Variants in QRICH2 observed in about 807,000 individuals in gnomAD.
QRICH2 encodes glutamine-rich protein 2.
Under a neutral mutation model 168.3 loss-of-function variants are expected in QRICH2, and 119 were observed. The observed-to-expected ratio is 0.71, with a 90% CI of 0.61 to 0.82. The LOEUF (loss-of-function observed/expected upper bound fraction) is 0.82, where lower values mean the gene tolerates loss of function less well. QRICH2 is among the 40% of genes least tolerant of loss of function. The pLI is 0.00. For missense variants in QRICH2, 2,241 were observed against 2,491.6 expected (o/e 0.90, Z 2.14); for synonymous variants, 894 against 951.2 (o/e 0.94, Z 1.11).
At position 76,277,151 on chromosome 17, in the gene QRICH2, C is replaced by A; in HGVS notation, c.5265+12G>T. Reference sequence around the variant, plus strand: ...GGCCTCCCTCCCTGGTGGCTCCAGGCAGGGCCCTGACCTTCATGGCAATCT... The same window carrying A: ...GGCCTCCCTCCCTGGTGGCTCCAGGAAGGGCCCTGACCTTCATGGCAATCT... On this transcript the variant is annotated intron_variant, in intron 16 of 18. Coordinates refer to ENST00000680821, the MANE Select transcript of QRICH2 (RefSeq NM_001388453.1). 1 of 1,546,974 alleles carries A rather than the reference C, an allele frequency of 6.5e-7. No homozygotes were observed. Among genetic ancestry groups the A allele is most frequent in the Non-Finnish European group, 8.7e-7 (1 of 1,153,466 alleles).
At chr17:76,299,747 T>C (rs2070864254) in intron 3 of QRICH2, among the ~76,000 whole-genome samples, 2 of 150,662 alleles carry the variant, frequency 1.3e-5, no homozygotes, top group South Asian at 4.3e-4. Context: ...AAAACAAAAC[T>C]AAACGATATT....
chr17:76,281,879 G>A lies in QRICH2; in HGVS notation c.4248C>T (p.Ala1416=). The A allele has an allele frequency of 6.2e-7, 1 of 1,613,360 alleles. No homozygotes were observed. The highest frequency in any genetic ancestry group is 8.5e-7 in the Non-Finnish European group (1 of 1,179,802). ...SLAVSRPSKK[A]KLQRQDEELL... ...AGAGCCCCACCTGTCTCTGGAGCTT[G>A]GCCTTCTTGGAGGGTCGGGAGACGG... Residue 1416 remains alanine (A), a synonymous_variant, in exon 8 of 19, where the codon GCC becomes GCT. Transcript: ENST00000680821. The surrounding 1 kb of genome is among the most constrained non-coding windows in gnomAD (Gnocchi z 4.4).
intron 2 of QRICH2, 45 bp downstream of exon 2, chr17:76,304,837 C>A (rs757511386): frequency 7.1e-7 from 1 of 1,415,526 alleles, no homozygotes; most frequent in South Asian, 1.1e-5. Flanking sequence ...TGAGAGACGG[C>A]CAGCCCCCTG....
Position 76,278,133 on chromosome 17 carries a change from A to T in QRICH2, c.4973T>A (p.Val1658Glu). The change falls in exon 15 of 19, where the codon GTG becomes GAG. Residue 1658 changes from valine (V) to glutamate (E), a missense_variant. Coordinates refer to ENST00000680821, the MANE Select transcript of QRICH2 (RefSeq NM_001388453.1). ...RGDLAQMEQS[V>E]GRLRSMHSKM... ...GGAGTGCATGGAGCGCAGGCGCCCC[A>T]CGCTCTGCTCCATCTGCGCCAGGTC... 1 of 1,612,768 alleles carries T rather than the reference A, an allele frequency of 6.2e-7. No homozygotes were observed. The highest frequency in any genetic ancestry group is 1.1e-5 in the South Asian group (1 of 91,088).
chr17:76,306,978 C>A (rs1369097427), intron 1 of QRICH2, among the ~76,000 whole-genome samples: 1 of 152,142 alleles, frequency 6.6e-6, no homozygotes, highest in Non-Finnish European at 1.5e-5. Context: ...TCCATCCTGA[C>A]TCCCCTTCTC....
At chr17:76,295,003 G>A (rs1213559782) in intron 3 of QRICH2, among the ~76,000 whole-genome samples, 1 of 150,408 alleles carries the variant, frequency 6.6e-6, no homozygotes, top group Non-Finnish European at 1.5e-5. Flanking sequence ...AGGCCGAGGT[G>A]GGCAGATCAC....
At chr17:76,299,695 C>T (rs1455499241) in intron 3 of QRICH2, among the ~76,000 whole-genome samples, 1 of 151,886 alleles carries the variant, frequency 6.6e-6, no homozygotes, top group Admixed American at 6.6e-5. Flanking sequence ...CAAGATTGCG[C>T]CACTGCACTC....
Position 76,279,154 on chromosome 17 carries a change from C to A in QRICH2, c.4815-12G>T. 6.2e-7 allele frequency: 1 copy of A among 1,604,336 alleles called. No individual in the cohort carries two copies. The highest frequency in any genetic ancestry group is 1.7e-4 in the Middle Eastern group (1 of 6,050). On this transcript the variant is annotated splice_polypyrimidine_tract_variant and intron_variant, in intron 13 of 18. Transcript: ENST00000680821. Reference sequence around the variant, plus strand: ...TCACGGGGATGGCACTGGGCAGGGACAGAGGGAGAAGGGGCGGGTCAGAGT... The same window carrying A: ...TCACGGGGATGGCACTGGGCAGGGAAAGAGGGAGAAGGGGCGGGTCAGAGT...
chr17:76,275,713 A>G, intron 18 of QRICH2, 106 bp downstream of exon 18: 5 of 1,403,824 alleles, frequency 3.6e-6, no homozygotes, highest in Non-Finnish European at 4.7e-6. Context: ...TTCGGCTCCC[A>G]GGCCCTCCCC....
rs376591956 is a variant in QRICH2 at position 76,307,491 on chromosome 17, C to T, written c.508G>A (p.Ala170Thr). The change falls in exon 1 of 19, where the codon GCC becomes ACC. Residue 170 changes from alanine to threonine, a missense_variant. By Grantham distance (58) the Ala-to-Thr change is moderately conservative. Around this residue, in one of 3 missense-constraint regions of QRICH2, gnomAD observed 2,047 missense variants for 2,303.8 expected, o/e 0.89. Transcript: ENST00000680821. The surrounding 1 kb of genome is among the most constrained non-coding windows in gnomAD (Gnocchi z 5.3). ...CTGGCAAAGCTGAGCTCCTCGGCGG[C>T]GTCCTTCATGATACTCCCAGTCCGC... ...RVRTGSIMKDAAEELSFARVL... is the reference protein window; with the variant it reads ...RVRTGSIMKDTAEELSFARVL... The T allele has an allele frequency of 1.2e-5, 20 of 1,613,796 alleles. No individual in the cohort carries two copies. Among genetic ancestry groups the T allele is most frequent in the Middle Eastern group, 3.3e-4 (2 of 6,060 alleles).
chr17:76,277,373 C>G, intron 15 of QRICH2, 63 bp from the exon 16 acceptor site: 1 of 1,566,986 alleles, frequency 6.4e-7, no homozygotes, highest in South Asian at 1.2e-5. Flanking sequence ...CTGGGACTCA[C>G]CCACCCATGG....
chr17:76,280,905 C>A lies in QRICH2; in HGVS notation c.4312G>T (p.Gly1438Cys). 6.2e-7 allele frequency: 1 copy of A among 1,612,924 alleles called. No individual in the cohort carries two copies. Among genetic ancestry groups the A allele is most frequent in the Non-Finnish European group, 8.5e-7 (1 of 1,180,010 alleles). Residue 1438 changes from glycine to cysteine, a missense_variant, in exon 9 of 19, where the codon GGT becomes TGT. By Grantham distance (159) the Gly-to-Cys change is radical (BLOSUM62 -3). Coordinates refer to ENST00000680821, the MANE Select transcript of QRICH2 (RefSeq NM_001388453.1). This position sits in a 1 kb window ranked among gnomAD's most constrained non-coding sequence, Gnocchi z 7.4. ...GTGATGTTGAGCTTCTCGCAGTCACCCTGCACCTGCAGGATGGCACTCTGC... is the reference window on the plus strand; with the variant it reads ...GTGATGTTGAGCTTCTCGCAGTCACACTGCACCTGCAGGATGGCACTCTGC... ...RVQSAILQVQ[G>C]DCEKLNITTS... is the part of the protein sequence containing the mutation.
At chr17:76,304,298 A>G in intron 3 of QRICH2, 117 bp downstream of exon 3, 1 of 643,710 alleles carries the variant, frequency 1.6e-6, no homozygotes, top group South Asian at 1.8e-5. Flanking sequence ...AAACACCCAT[A>G]TCAATGAAAC....
At position 76,291,665 on chromosome 17, in the gene QRICH2, T is replaced by TGGCC; in HGVS notation, c.3058_3061dup (p.Gln1021ArgfsTer66). ...TTGACTGGCTAGGAGTGGTGACACC[T>TGGCC]GGCCGTATTGTTCTCTGCCAGGAGG... On this transcript the variant is annotated frameshift_variant, in exon 4 of 19. Transcript: ENST00000680821. LOFTEE classifies it high-confidence loss of function. 1 of 1,614,212 alleles carries TGGCC rather than the reference T, an allele frequency of 6.2e-7. No homozygotes were observed. The highest frequency in any genetic ancestry group is 1.1e-5 in the South Asian group (1 of 91,082).
chr17:76,293,133 G>A lies in QRICH2; in HGVS notation c.1594C>T (p.Gln532Ter), dbSNP rs1480853456. The change falls in exon 4 of 19, where the codon CAG becomes TAG. Residue 532 changes from glutamine (Q) to a stop codon, truncating the protein, a stop_gained. Coordinates refer to ENST00000680821, the MANE Select transcript of QRICH2 (RefSeq NM_001388453.1). LOFTEE classifies it high-confidence loss of function. ...AAACCAGGTGATACCAAACCATGCTGGTCTGTAAAAGGTAGAACCAGGCCA... is the reference window on the plus strand; with the variant it reads ...AAACCAGGTGATACCAAACCATGCTAGTCTGTAAAAGGTAGAACCAGGCCA... ...QHGLVLPFTDQHGLVSPGLMP... is the reference protein window; with the variant it reads ...QHGLVLPFTD 6.2e-7 allele frequency: 1 copy of A among 1,614,108 alleles called. No homozygotes were observed. Among genetic ancestry groups the A allele is most frequent in the East Asian group, 2.2e-5 (1 of 44,904 alleles).
intron 14 of QRICH2, 36 bp downstream of exon 14, chr17:76,279,005 G>C (rs199566327): frequency 6.4e-7 from 1 of 1,560,712 alleles, no homozygotes; most frequent in East Asian, 2.3e-5. Flanking sequence ...CCCTGGCCCC[G>C]GACCCATATG....
intron 12 of QRICH2, 142 bp from the exon 13 acceptor site, chr17:76,279,570 C>T: frequency 1.5e-6 from 1 of 669,730 alleles, no homozygotes; most frequent in Non-Finnish European, 2.6e-6. Context: ...TCTGCTCCCA[C>T]CTCTGGGCTC....
Position 76,291,095 on chromosome 17 carries a change from T to C in QRICH2, c.3632A>G (p.Lys1211Arg), listed in dbSNP as rs1364761417. 1 of 1,614,176 alleles carries C rather than the reference T, an allele frequency of 6.2e-7. No individual in the cohort carries two copies. The change falls in exon 4 of 19, where the codon AAG (lysine) becomes AGG (arginine). Residue 1211 changes from lysine to arginine, a missense_variant. This residue lies in a region of QRICH2 where 2,047 missense variants were observed against 2,303.8 expected (regional missense o/e 0.89). Coordinates refer to ENST00000680821, the MANE Select transcript of QRICH2 (RefSeq NM_001388453.1). ...CTCATCCAGATCCTTCATACTCTCC[T>C]TTAGCCCCACATAGAGGCTACTGAG... ...GELSSLYVGL[K>R]ESMKDLDEEQ...
At position 76,293,180 on chromosome 17, in the gene QRICH2, G is replaced by A; in HGVS notation, c.1547C>T (p.Thr516Ile). Residue 516 changes from threonine to isoleucine, a missense_variant, in exon 4 of 19, where the codon ACA becomes ATA. By Grantham distance (89) the Thr-to-Ile change is moderately conservative. Transcript: ENST00000680821. ...GCCATGTTGATCGACGACAGGCAAT[G>A]TCAATCCTTGCTGGTCTATACCAGG... ...VPPGIDQQGL[T>I]LPVVDQHGLV... The A allele has an allele frequency of 6.2e-7, 1 of 1,614,228 alleles. No individual in the cohort carries two copies.
Sources: gnomAD v4.1 joint callset for allele counts (sites outside exome capture counted in the v4.1 genomes callset) on GRCh38, gnomAD v4.1.1 for gene constraint, gnomAD v4.1.1 regional missense constraint, Gnocchi (gnomAD v3.1) non-coding constraint, MANE v1.5 for transcripts, NCBI Gene and HGNC (gene_info 2026-07-23, HGNC 2026-07-21) for gene names.